Variants in SLC12A1 observed in about 807,000 individuals in gnomAD.
The protein encoded by SLC12A1 is solute carrier family 12 member 1, also known as Na-K-2Cl cotransporter.
A neutral mutation model predicts 130.4 loss-of-function variants in SLC12A1; 89 were observed. That is an observed-to-expected ratio of 0.68 (90% confidence interval 0.58 to 0.81). The LOEUF (loss-of-function observed/expected upper bound fraction) is 0.81, where lower values mean the gene tolerates loss of function less well. Among genes scored for constraint, SLC12A1 ranks in the 40% least tolerant of loss-of-function variants. SLC12A1 has a pLI of 0.00. For synonymous variants in SLC12A1, 499 were observed against 460.0 expected (o/e 1.08, Z -1.09); for missense variants, 1,310 against 1,336.4 (o/e 0.98, Z 0.31).
At chr15:48,291,234 G>T (rs999073021) in intron 23 of SLC12A1, among the ~76,000 whole-genome samples, 3 of 144,790 alleles carry the variant, frequency 2.1e-5, no homozygotes, top group African/African-American at 7.9e-5. Context: ...ATTATCAGTT[G>T]CCAGGAAAAA....
Position 48,267,717 on chromosome 15 carries a change from G to A in SLC12A1, c.2295+16G>A, listed in dbSNP as rs1181888884. Reference sequence around the variant, plus strand: ...TCTTCTTCAGGTAAGGCTGCATTGAGGGAATGAGCACAGAGGCAAAAGACA... The same window carrying A: ...TCTTCTTCAGGTAAGGCTGCATTGAAGGAATGAGCACAGAGGCAAAAGACA... On this transcript the variant is annotated intron_variant, in intron 18 of 26. Transcript: ENST00000380993. 2 of 1,612,634 alleles carry A rather than the reference G, an allele frequency of 1.2e-6. No individual in the cohort carries two copies. Among genetic ancestry groups the A allele is most frequent in the African/African-American group, 1.3e-5 (1 of 74,976 alleles).
At chr15:48,210,693 T>TA (rs34235092) in intron 2 of SLC12A1, among the ~76,000 whole-genome samples, 68 of 122,600 alleles carry the variant, frequency 5.5e-4, no homozygotes, top group African/African-American at 1.9e-3. Context: ...CTTCTCTACT[T>TA]AAAAAAAAAA....
chr15:48,259,897 T>C lies in SLC12A1; in HGVS notation c.2154+586T>C, dbSNP rs2041751016. 2.0e-5 allele frequency among the ~76,000 whole-genome samples: 3 copies of C among 152,306 alleles called. No homozygotes were observed. In the South Asian group the frequency reaches 6.2e-4, roughly 32 times the overall value. Reference sequence around the variant, plus strand: ...TTATTGGTGAGTTTCCTAAGAGGTATTCAAAACTGGTGCTAGTAATTTAAT... The same window carrying C: ...TTATTGGTGAGTTTCCTAAGAGGTACTCAAAACTGGTGCTAGTAATTTAAT... On this transcript the variant is annotated intron_variant, in intron 17 of 26. Coordinates refer to ENST00000380993, the MANE Select transcript of SLC12A1 (RefSeq NM_000338.3).
chr15:48,235,313 C>G (rs2041427891), intron 9 of SLC12A1: 1 of 345,140 alleles, frequency 2.9e-6, no homozygotes, highest in Non-Finnish European at 5.4e-6. Context: ...CTCTTTTAAA[C>G]CCAAATGAAT....
At chr15:48,289,407 ATATATATATATATATATATATAAT>A (rs1401515508) in intron 23 of SLC12A1, among the ~76,000 whole-genome samples, 6 of 130,504 alleles carry the variant, frequency 4.6e-5, no homozygotes, top group African/African-American at 1.6e-4. Flanking sequence ...ATATATATAT[ATATATATATATATATATATATAAT>A]GTATAACTAT....
intron 2 of SLC12A1, among the ~76,000 whole-genome samples, chr15:48,209,698 A>G (rs1683507664): frequency 6.6e-6 from 1 of 152,120 alleles, no homozygotes; most frequent in Non-Finnish European, 1.5e-5. Flanking sequence ...ATCTTTCTTT[A>G]GTTTCTGCTC....
chr15:48,281,354 G>A (rs2042006951), intron 20 of SLC12A1, among the ~76,000 whole-genome samples: 1 of 152,236 alleles, frequency 6.6e-6, no homozygotes. Context: ...GGAGTCTGGA[G>A]TCCATTGTGA....
In SLC12A1 at chr15:48,207,841, A is replaced by C; in HGVS notation, c.122A>C (p.Asp41Ala). ...ESSAAADDNT[D>A]PPHYEETSFG... ...AGTGCAGCTGCAGATGACAATACTG[A>C]CCCACCACATTATGAAGAAACCTCT... Residue 41 changes from aspartate (D) to alanine (A), a missense_variant, in exon 2 of 27, where the codon GAC becomes GCC. Transcript: ENST00000380993. 6.2e-7 allele frequency: 1 copy of C among 1,614,004 alleles called. No homozygotes were observed. The highest frequency in any genetic ancestry group is 8.5e-7 in the Non-Finnish European group (1 of 1,179,894).
chr15:48,250,454 C>T (rs1408382206), intron 14 of SLC12A1, among the ~76,000 whole-genome samples: 4 of 152,104 alleles, frequency 2.6e-5, no homozygotes, highest in African/African-American at 7.2e-5. Flanking sequence ...TACTAGGCTA[C>T]AGAAAGTAGC....
chr15:48,239,216 T>A (rs2041473019), intron 9 of SLC12A1, among the ~76,000 whole-genome samples: 1 of 152,128 alleles, frequency 6.6e-6, no homozygotes, highest in Admixed American at 6.5e-5. Flanking sequence ...TCTATGTTAA[T>A]GTCTTAGGAT....
chr15:48,277,891 C>T (rs2041970502), intron 20 of SLC12A1, among the ~76,000 whole-genome samples: 1 of 152,174 alleles, frequency 6.6e-6, no homozygotes, highest in African/African-American at 2.4e-5. Context: ...CAGAGAGCTA[C>T]TATCTGATTA....
chr15:48,247,441 C>T lies in SLC12A1; in HGVS notation c.1665C>T (p.Ala555=). Residue 555 remains alanine, a synonymous_variant, in exon 13 of 27, where the codon GCC becomes GCT. Coordinates refer to ENST00000380993, the MANE Select transcript of SLC12A1 (RefSeq NM_000338.3). ...GATATATTCTCACTTTTCTTATAGC[C>T]ATGGCATTTATTCTTATTGGTTTGT... ...LRGYILTFLI[A]MAFILIAELN... 1.2e-6 allele frequency: 2 copies of T among 1,608,236 alleles called. No homozygotes were observed. The highest frequency in any genetic ancestry group is 1.3e-5 in the African/African-American group (1 of 74,856).
chr15:48,284,984 T>C (rs374002982), intron 20 of SLC12A1, 122 bp from the exon 21 acceptor site: 1 of 659,210 alleles, frequency 1.5e-6, no homozygotes, highest in African/African-American at 1.9e-5. Flanking sequence ...TAGAAAAAAT[T>C]ACTATGTATA....
intron 7 of SLC12A1, among the ~76,000 whole-genome samples, chr15:48,232,296 T>C (rs976991094): frequency 1.3e-5 from 2 of 152,210 alleles, no homozygotes; most frequent in African/African-American, 4.8e-5. Context: ...ATCACAGGAA[T>C]TGTATTCATC....
At chr15:48,229,362 A>G (rs372344805) in intron 6 of SLC12A1, 34 bp downstream of exon 6, 1 of 1,560,236 alleles carries the variant, frequency 6.4e-7, no homozygotes, top group Admixed American at 1.9e-5. Context: ...TCTGCCAAGC[A>G]GCATAATTTA....
chr15:48,234,608 G>A (rs915888865), intron 8 of SLC12A1, among the ~76,000 whole-genome samples: 13 of 152,094 alleles, frequency 8.5e-5, no homozygotes, highest in Admixed American at 3.3e-4. Flanking sequence ...GCCAGGTGTG[G>A]TGGCGGGCGC....
chr15:48,226,805 G>C, intron 5 of SLC12A1: 1 of 593,868 alleles, frequency 1.7e-6, no homozygotes, highest in Non-Finnish European at 2.9e-6. Flanking sequence ...TTACAGATGT[G>C]CACCTTCCTT....
At chr15:48,284,911 A>T (rs1045507781) in intron 20 of SLC12A1, among the ~76,000 whole-genome samples, 195 bp from the exon 21 acceptor site, 2 of 152,230 alleles carry the variant, frequency 1.3e-5, no homozygotes, top group African/African-American at 2.4e-5. Flanking sequence ...GATTACAGGC[A>T]TGAGCTACCT....
At chr15:48,261,547 G>C (rs778627818) in intron 17 of SLC12A1, among the ~76,000 whole-genome samples, 4 of 152,192 alleles carry the variant, frequency 2.6e-5, no homozygotes, top group Non-Finnish European at 4.4e-5. Flanking sequence ...TTTCCAGTTA[G>C]TTACTTTGTA....
Sources: allele counts gnomAD v4.1 joint callset (sites outside exome capture counted in the v4.1 genomes callset), GRCh38; gene constraint gnomAD v4.1.1; transcripts MANE v1.5; gene names NCBI Gene and HGNC (gene_info 2026-07-23, HGNC 2026-07-21).